The following DAAM2 variants were observed in gnomAD, a reference collection of about 807,000 sequenced individuals.
DAAM2 encodes the protein disheveled-associated activator of morphogenesis 2.
Under a neutral mutation model 120.7 loss-of-function variants are expected in DAAM2, and 39 were observed. That is an observed-to-expected ratio of 0.32 (90% CI 0.25 to 0.42). DAAM2 has a LOEUF of 0.42. Ranked by LOEUF, DAAM2 falls within the 10% of genes least tolerant of loss-of-function variation. The pLI is 1.00. For missense variants in DAAM2, 1,283 were observed against 1,401.7 expected (o/e 0.92, Z 1.35); for synonymous variants, 488 against 524.9 (o/e 0.93, Z 0.96).
At chr6:39,899,978 G>T (rs1032807621) in intron 22 of DAAM2, 99 bp from the exon 23 acceptor site, 3 of 1,355,884 alleles carry the variant, frequency 2.2e-6, no homozygotes, top group African/African-American at 2.9e-5. Flanking sequence ...CTTCCAAAGG[G>T]CTCAATGTCC....
intron 9 of DAAM2, among the ~76,000 whole-genome samples, chr6:39,872,424 G>C (rs1268144241): frequency 1.3e-5 from 2 of 152,302 alleles, no homozygotes; most frequent in South Asian, 2.1e-4. Context: ...GCAAGTTATT[G>C]CATGTGATTA....
In DAAM2 at chr6:39,856,399, C is replaced by T; in HGVS notation, c.97C>T (p.Leu33=). The change falls in exon 2 of 25, where the codon CTG becomes TTG. Residue 33 remains leucine, a synonymous_variant. Transcript: ENST00000274867. Reference sequence around the variant, plus strand: ...AATCAACCTCCGGGACAACCACCCTCTGCAGTTCATGGAGTTCTCCAGCCC... The same window carrying T: ...AATCAACCTCCGGGACAACCACCCTTTGCAGTTCATGGAGTTCTCCAGCCC... ...PEINLRDNHP[L]QFMEFSSPIP... 6.4e-7 allele frequency: 1 copy of T among 1,551,892 alleles called. No homozygotes were observed. The highest frequency in any genetic ancestry group is 1.2e-5 in the South Asian group (1 of 82,460).
At position 39,904,312 on chromosome 6, in the gene DAAM2, C is replaced by A. The variant is rs1222891083; in HGVS notation, c.*2275C>A. 2.2e-6 allele frequency: 1 copy of A among 456,628 alleles called. No homozygotes were observed. The highest frequency in any genetic ancestry group is 2.0e-5 in the African/African-American group (1 of 50,090). The allele number at this position is 456,628 out of a possible 1,614,324, so 28.3% of individuals were successfully genotyped here. Reference sequence around the variant, plus strand: ...TATTTTCTACATCTGGCCAGTGGCTCTGGTGCTAGATGCCACTGTAGCCAG... The same window carrying A: ...TATTTTCTACATCTGGCCAGTGGCTATGGTGCTAGATGCCACTGTAGCCAG... On this transcript the variant is annotated 3_prime_UTR_variant, in exon 25 of 25. Coordinates refer to ENST00000274867, the MANE Select transcript of DAAM2 (RefSeq NM_001201427.2).
chr6:39,794,770 GA>G (rs1324940397), intron 1 of DAAM2, among the ~76,000 whole-genome samples: 1 of 152,222 alleles, frequency 6.6e-6, no homozygotes, highest in Non-Finnish European at 1.5e-5. Flanking sequence ...AGGCAGTAGA[GA>G]AAGCATAGAG....
At chr6:39,895,542 T>C (rs967921044) in intron 19 of DAAM2, among the ~76,000 whole-genome samples, 1 of 152,222 alleles carries the variant, frequency 6.6e-6, no homozygotes, top group Non-Finnish European at 1.5e-5. Context: ...TTTCTAACTG[T>C]GTTCGAAGCT....
intron 1 of DAAM2, among the ~76,000 whole-genome samples, chr6:39,833,877 G>A (rs1763008031): frequency 6.6e-6 from 1 of 152,152 alleles, no homozygotes; most frequent in Admixed American, 6.5e-5. Context: ...TGGCAAGCAG[G>A]GCTATGCCTG....
At chr6:39,802,744 TCTTAA>T (rs1257995563) in intron 1 of DAAM2, among the ~76,000 whole-genome samples, 1 of 152,164 alleles carries the variant, frequency 6.6e-6, no homozygotes, top group African/African-American at 2.4e-5. Flanking sequence ...TTTTATTTTG[TCTTAA>T]CTTTTTATTG....
Position 39,895,828 on chromosome 6 carries a change from A to C in DAAM2, c.2342-984A>C, listed in dbSNP as rs77857958. Among the ~76,000 whole-genome samples, 1,430 of 152,338 alleles carry C rather than the reference A, an allele frequency of 9.4e-3. 15 individuals carry two copies. The highest frequency in any genetic ancestry group is 0.047 in the East Asian group (246 of 5,182). ...TTGAAGTTTTGGTTACTGTTAGCTT[A>C]GTTTGTATTTCTGGCAAAGATAACA... On this transcript the variant is annotated intron_variant, in intron 19 of 24. Transcript: ENST00000274867.
At chr6:39,888,796 A>G in intron 17 of DAAM2, 33 bp downstream of exon 17, 1 of 1,572,896 alleles carries the variant, frequency 6.4e-7, no homozygotes, top group Non-Finnish European at 8.7e-7. Context: ...AGGGGAACTG[A>G]ACCCAGCGGG....
chr6:39,856,591 G>A (rs1006896908), intron 2 of DAAM2, 121 bp downstream of exon 2: 1 of 750,490 alleles, frequency 1.3e-6, no homozygotes, highest in African/African-American at 1.9e-5. Flanking sequence ...CCTCTTGGGA[G>A]GAGATAGGCC....
intron 1 of DAAM2, among the ~76,000 whole-genome samples, chr6:39,803,374 C>G (rs1450448138): frequency 6.6e-6 from 1 of 152,238 alleles, no homozygotes; most frequent in Non-Finnish European, 1.5e-5. Flanking sequence ...GAGACGTTCA[C>G]AGCTCCCAGG....
At chr6:39,792,494 G>T (rs1013067785) in intron 1 of DAAM2, 29 bp downstream of exon 1, 1 of 152,116 alleles carries the variant, frequency 6.6e-6, no homozygotes, top group Non-Finnish European at 1.5e-5. Context: ...GGCGCTCCCC[G>T]TCTTGGGGCC....
At chr6:39,829,290 A>G (rs1762793720) in intron 1 of DAAM2, among the ~76,000 whole-genome samples, 1 of 152,224 alleles carries the variant, frequency 6.6e-6, no homozygotes, top group African/African-American at 2.4e-5. Context: ...CAAGCACAGA[A>G]TGATCCTGTT....
At position 39,836,068 on chromosome 6, in the gene DAAM2, T is replaced by C. The variant is rs560413551; in HGVS notation, c.-56-20179T>C. On this transcript the variant is annotated intron_variant, in intron 1 of 24. Transcript: ENST00000274867. ...AGAGAAAAGGGGAGGAGGGGAAACA[T>C]ATATTGCAAGCTTGGAGAGAAGGAA... Among the ~76,000 whole-genome samples the C allele has an allele frequency of 3.9e-5, 6 of 152,088 alleles. No individual in the cohort carries two copies. The South Asian group carries it at 1.0e-3, about 26-fold the overall frequency.
chr6:39,848,924 A>G (rs954832764), intron 1 of DAAM2: 2 of 152,218 alleles, frequency 1.3e-5, no homozygotes, highest in Non-Finnish European at 2.9e-5. Context: ...GTTTGAGATA[A>G]ACCTCGAACA....
At chr6:39,879,558 A>G (rs766888885) in intron 14 of DAAM2, 81 bp downstream of exon 14, 13 of 1,562,276 alleles carry the variant, frequency 8.3e-6, no homozygotes, top group Non-Finnish European at 1.1e-5. Context: ...CCCCTTGTTT[A>G]CAGATCTCCA....
rs201385287 is a variant in DAAM2 at position 39,876,728 on chromosome 6, T to C, written c.1301+1260T>C. ...AAGGGTGTGTGTGTGTGTGTGTGTGTGCGTGTGTGTATGTGCATATGTGTG... is the reference window on the plus strand; with the variant it reads ...AAGGGTGTGTGTGTGTGTGTGTGTGCGCGTGTGTGTATGTGCATATGTGTG... On this transcript the variant is annotated intron_variant, in intron 11 of 24. Coordinates refer to ENST00000274867, the MANE Select transcript of DAAM2 (RefSeq NM_001201427.2). Among the ~76,000 whole-genome samples the C allele has an allele frequency of 6.8e-4, 89 of 130,330 alleles. No individual in the cohort carries two copies. In the South Asian group the frequency reaches 0.015, roughly 22 times the overall value. 85.5% of individuals were successfully genotyped at this position (130,330 alleles called of 152,430 possible).
At chr6:39,845,594 ACTC>A (rs1763557300) in intron 1 of DAAM2, among the ~76,000 whole-genome samples, 1 of 150,590 alleles carries the variant, frequency 6.6e-6, no homozygotes, top group South Asian at 2.1e-4. Context: ...CACACATACC[ACTC>A]CCCACCGCTT....
In DAAM2 at chr6:39,903,845, G is replaced by C. The variant is rs1413469000; in HGVS notation, c.*1808G>C. Reference sequence around the variant, plus strand: ...GTTCTGGTGGGAGGGATCTGAGCAAGTGCAAGCCTGGCTGACACAGGTGTG... The same window carrying C: ...GTTCTGGTGGGAGGGATCTGAGCAACTGCAAGCCTGGCTGACACAGGTGTG... On this transcript the variant is annotated 3_prime_UTR_variant, in exon 25 of 25. Transcript: ENST00000274867. 7.5e-6 allele frequency: 2 copies of C among 268,314 alleles called. No homozygotes were observed. Among genetic ancestry groups the C allele is most frequent in the African/African-American group, 2.2e-5 (1 of 45,016 alleles). The allele number at this position is 268,314 out of a possible 1,614,324, so 16.6% of individuals were successfully genotyped here.
Sources: allele counts gnomAD v4.1 joint callset (sites outside exome capture counted in the v4.1 genomes callset), GRCh38; gene constraint gnomAD v4.1.1; transcripts MANE v1.5; gene names NCBI Gene and HGNC (gene_info 2026-07-23, HGNC 2026-07-21).